Variants in VBP1 observed in about 807,000 individuals in gnomAD.
The protein encoded by VBP1 is prefoldin subunit 3.
In VBP1, 4 loss-of-function variants were observed where a neutral mutation model predicts 15.5. The observed-to-expected ratio is 0.26, with a 90% confidence interval of 0.13 to 0.59. The LOEUF is 0.59. Ranked by LOEUF, VBP1 falls within the 20% of genes least tolerant of loss-of-function variation. The pLI is 0.90. For synonymous variants in VBP1, 61 were observed against 52.1 expected, an observed-to-expected ratio of 1.17 and a Z score of -0.74; for missense variants, 108 against 139.6, an observed-to-expected ratio of 0.77 and a Z score of 1.14.
chrX:155,222,195 G>A, intron 2 of VBP1, among the ~76,000 whole-genome samples: 1 of 112,917 alleles, frequency 8.9e-6, no homozygotes, highest in Middle Eastern at 4.6e-3. Context: ...AAGAAAATGT[G>A]CCTTGGGGCG....
At chrX:155,200,257 A>G (rs1371958827) in intron 1 of VBP1, among the ~76,000 whole-genome samples, 1 of 106,895 alleles carries the variant, frequency 9.4e-6, no homozygotes, top group African/African-American at 3.4e-5. Flanking sequence ...CACCAAGCGG[A>G]CCTAATAGAC....
In VBP1 at chrX:155,220,195, T is replaced by C; in HGVS notation, c.106T>C (p.Ser36Pro). The C allele has an allele frequency of 8.4e-7, 1 of 1,197,328 alleles. No homozygotes were observed. The highest frequency in any genetic ancestry group is 1.1e-6 in the Non-Finnish European group (1 of 888,312). ...TTTGATATTAAAGGAAGATGTAGAT[T>C]CCTTCATGAAACAGCCTGGGAATGA... ...PEAVFVEDVDSFMKQPGNETA... is the reference protein window; with the variant it reads ...PEAVFVEDVDPFMKQPGNETA... The change falls in exon 2 of 6, where the codon TCC (serine) becomes CCC (proline). Residue 36 changes from serine to proline, a missense_variant. Coordinates refer to ENST00000286428, the MANE Select transcript of VBP1 (RefSeq NM_003372.7).
chrX:155,210,852 G>A (rs1398399280), intron 2 of VBP1, among the ~76,000 whole-genome samples: 1 of 111,936 alleles, frequency 8.9e-6, no homozygotes, highest in Non-Finnish European at 1.9e-5. Flanking sequence ...TGATCCCTGA[G>A]TAACTAACAT....
At chrX:155,232,737 G>A (rs1318636222) in intron 4 of VBP1, among the ~76,000 whole-genome samples, 1 of 113,031 alleles carries the variant, frequency 8.8e-6, no homozygotes, top group Non-Finnish European at 1.9e-5. Context: ...AATGGACACA[G>A]CCACTGGGGA....
At chrX:155,215,830 A>C (rs1557308953), upstream of VBP1, among the ~76,000 whole-genome samples, 2 of 111,833 alleles carry the variant, frequency 1.8e-5, no homozygotes, top group African/African-American at 6.5e-5. Context: ...GCCTAGGTGG[A>C]GTTCTTAGGA....
chrX:155,205,921 A>G (rs1447312027), intron 1 of VBP1, among the ~76,000 whole-genome samples: 1 of 112,225 alleles, frequency 8.9e-6, no homozygotes, highest in Non-Finnish European at 1.9e-5. Flanking sequence ...TAAACTGCTA[A>G]CGTAAAGGTC....
chrX:155,228,086 C>G (rs2074727496), intron 3 of VBP1, among the ~76,000 whole-genome samples: 1 of 111,442 alleles, frequency 9.0e-6, no homozygotes, highest in East Asian at 2.8e-4. Flanking sequence ...TCTGTGTATA[C>G]TCAGTGCTTA....
upstream of VBP1, among the ~76,000 whole-genome samples, chrX:155,211,572 A>C (rs1557308527): frequency 8.9e-6 from 1 of 112,045 alleles, no homozygotes; most frequent in Non-Finnish European, 1.9e-5. Flanking sequence ...CAAGTTGAAA[A>C]GAGTTGGTCG....
intron 1 of VBP1, among the ~76,000 whole-genome samples, chrX:155,197,740 A>C (rs2074583698): frequency 8.9e-6 from 1 of 111,940 alleles, no homozygotes; most frequent in Non-Finnish European, 1.9e-5. Flanking sequence ...CTCACTAGGG[A>C]GTGCCAGACA....
At chrX:155,209,785 T>G (rs2074638333) in intron 2 of VBP1, among the ~76,000 whole-genome samples, 1 of 111,947 alleles carries the variant, frequency 8.9e-6, no homozygotes, top group African/African-American at 3.3e-5. Context: ...TGTTAGATAA[T>G]GAGAAAAATG....
chrX:155,216,543 C>A lies in VBP1; in HGVS notation c.61C>A (p.Leu21Ile). Residue 21 changes from leucine to isoleucine, a missense_variant, in exon 1 of 6, where the codon CTC becomes ATC. Coordinates refer to ENST00000286428, the MANE Select transcript of VBP1 (RefSeq NM_003372.7). ...AATGGCCACAGGGAATGGGCGGCGG[C>A]TCCACCTGGGGATTCCTGAGGCCGT... ...GEMATGNGRR[L>I]HLGIPEAVFV... 8.5e-7 allele frequency: 1 copy of A among 1,170,554 alleles called. No homozygotes were observed. Among genetic ancestry groups the A allele is most frequent in the South Asian group, 1.9e-5 (1 of 52,865 alleles).
intron 4 of VBP1, among the ~76,000 whole-genome samples, chrX:155,234,277 C>T (rs988232715): frequency 2.8e-5 from 3 of 108,945 alleles, no homozygotes; most frequent in Non-Finnish European, 5.7e-5. Flanking sequence ...CGTGCCACCA[C>T]GCCCAGCTAA....
At chrX:155,203,310 C>T (rs1380217459) in intron 1 of VBP1, among the ~76,000 whole-genome samples, 4 of 111,000 alleles carry the variant, frequency 3.6e-5, no homozygotes, top group East Asian at 5.6e-4. Context: ...CACATGTACA[C>T]GTATGTTTAT....
intron 4 of VBP1, among the ~76,000 whole-genome samples, chrX:155,231,436 GT>G (rs2074746019): frequency 8.9e-6 from 1 of 112,344 alleles, no homozygotes; most frequent in Non-Finnish European, 1.9e-5. Flanking sequence ...TGTTTATCTT[GT>G]ATTGTTTTCC....
intron 5 of VBP1, among the ~76,000 whole-genome samples, chrX:155,236,748 A>C (rs1391281335): frequency 8.9e-6 from 1 of 112,828 alleles, no homozygotes; most frequent in Non-Finnish European, 1.9e-5. Context: ...GTGATTTTGA[A>C]ATGTGATGTG....
chrX:155,204,382 A>G (rs1360011144), intron 1 of VBP1, among the ~76,000 whole-genome samples: 1 of 111,156 alleles, frequency 9.0e-6, no homozygotes, highest in Non-Finnish European at 1.9e-5. Flanking sequence ...TGAACTCCTG[A>G]CCTCAGGTGA....
At chrX:155,207,284 T>A (rs782444934) in intron 1 of VBP1, among the ~76,000 whole-genome samples, 3 of 111,509 alleles carry the variant, frequency 2.7e-5, no homozygotes, top group Non-Finnish European at 5.7e-5. Flanking sequence ...GACTACAGAA[T>A]GAGAATCCCA....
At chrX:155,202,491 A>G (rs1557307610) in intron 1 of VBP1, among the ~76,000 whole-genome samples, 2 of 111,142 alleles carry the variant, frequency 1.8e-5, no homozygotes, top group African/African-American at 6.6e-5. Context: ...AAACCTGAGA[A>G]AAACAAGCAG....
In VBP1 at chrX:155,239,576, T is replaced by C. The variant is rs1557312013; in HGVS notation, c.*734T>C. The C allele has an allele frequency of 8.9e-6, 1 of 111,773 alleles. No homozygotes were observed. Among genetic ancestry groups the C allele is most frequent in the African/African-American group, 3.3e-5 (1 of 30,690 alleles). 9.2% of individuals were successfully genotyped at this position (111,773 alleles called of 1,213,427 possible). ...TCCAGAGCATCTTGAACAGGAATATTAAGATAAATGTGAATCTGCAATGGC... is the reference window on the plus strand; with the variant it reads ...TCCAGAGCATCTTGAACAGGAATATCAAGATAAATGTGAATCTGCAATGGC... On this transcript the variant is annotated 3_prime_UTR_variant, in exon 6 of 6. Transcript: ENST00000286428.
Sources: allele counts gnomAD v4.1 joint callset (sites outside exome capture counted in the v4.1 genomes callset), GRCh38; gene constraint gnomAD v4.1.1; transcripts MANE v1.5; gene names NCBI Gene and HGNC (gene_info 2026-07-23, HGNC 2026-07-21).